The following CUX1 variants were observed in gnomAD, a reference collection of about 807,000 sequenced individuals.
The protein encoded by CUX1 is protein CASP.
In CUX1, 31 loss-of-function variants were observed where a neutral mutation model predicts 158.8. That is an observed-to-expected ratio of 0.20 (90% CI 0.15 to 0.26). The LOEUF (loss-of-function observed/expected upper bound fraction) is 0.26, where lower values mean the gene tolerates loss of function less well. Among genes scored for constraint, CUX1 ranks in the 10% least tolerant of loss-of-function variants. The pLI, the probability that CUX1 is intolerant of heterozygous loss-of-function variation, is 1.00. For missense variants in CUX1, 1,589 were observed against 2,014.6 expected (o/e 0.79, Z 4.04); for synonymous variants, 879 against 862.1 (o/e 1.02, Z -0.34).
intron 4 of CUX1, among the ~76,000 whole-genome samples, chr7:102,083,825 G>A (rs1235573862): frequency 1.4e-5 from 2 of 146,870 alleles, no homozygotes; most frequent in Non-Finnish European, 3.1e-5. Flanking sequence ...TTATTTCTAA[G>A]TTTAAGTCAT....
At chr7:102,067,160 A>G (rs1366646141) in intron 3 of CUX1, among the ~76,000 whole-genome samples, 1 of 140,304 alleles carries the variant, frequency 7.1e-6, no homozygotes, top group Non-Finnish European at 1.5e-5. Flanking sequence ...ACCCACCCCC[A>G]GTCTGAGACC....
intron 1 of CUX1, among the ~76,000 whole-genome samples, chr7:101,849,503 C>G (rs572548517): frequency 1.3e-5 from 2 of 152,252 alleles, no homozygotes; most frequent in South Asian, 4.1e-4. Flanking sequence ...CTGCAAAGGA[C>G]GTGACCTCTT....
chr7:101,829,439 A>T (rs1052608259), intron 1 of CUX1, among the ~76,000 whole-genome samples: 2 of 152,152 alleles, frequency 1.3e-5, no homozygotes, highest in Non-Finnish European at 2.9e-5. Flanking sequence ...TGTTACTTGC[A>T]TGACAGCCCT....
intron 10 of CUX1, among the ~76,000 whole-genome samples, chr7:102,174,637 G>A (rs541459554): frequency 6.6e-6 from 1 of 152,284 alleles, no homozygotes; most frequent in South Asian, 2.1e-4. Flanking sequence ...GATGGAGTGA[G>A]CCACAGTTTC....
At chr7:102,060,876 C>CACT (rs1279554455) in intron 3 of CUX1, among the ~76,000 whole-genome samples, 4 of 148,102 alleles carry the variant, frequency 2.7e-5, no homozygotes, top group Non-Finnish European at 4.4e-5. Flanking sequence ...CCTCCAAAAG[C>CACT]ACTGCGATTA....
chr7:102,112,790 G>T (rs1321334735), intron 7 of CUX1, among the ~76,000 whole-genome samples: 1 of 152,068 alleles, frequency 6.6e-6, no homozygotes, highest in Non-Finnish European at 1.5e-5. Flanking sequence ...AGTCCGGTCT[G>T]TATCTCCTGA....
chr7:102,029,384 G>T (rs1820441490), intron 3 of CUX1, among the ~76,000 whole-genome samples: 1 of 152,080 alleles, frequency 6.6e-6, no homozygotes, highest in African/African-American at 2.4e-5. Context: ...GAGAGATATG[G>T]CCGTGAGATA....
At chr7:102,133,024 T>G (rs189229751) in intron 8 of CUX1, among the ~76,000 whole-genome samples, 11 of 152,286 alleles carry the variant, frequency 7.2e-5, no homozygotes, top group Non-Finnish European at 8.8e-5. Flanking sequence ...AACTTGACCC[T>G]CTGCCACCAG....
chr7:101,981,233 G>C (rs1813400385), intron 2 of CUX1, among the ~76,000 whole-genome samples: 1 of 151,702 alleles, frequency 6.6e-6, no homozygotes, highest in South Asian at 2.1e-4. Flanking sequence ...ACTTTCCCTT[G>C]CAGGACGTTT....
chr7:101,961,961 A>G (rs35293683), intron 2 of CUX1: 2 of 152,078 alleles, frequency 1.3e-5, no homozygotes, highest in Non-Finnish European at 2.9e-5. Flanking sequence ...AAGTATATAT[A>G]CAGTATTATT....
At chr7:102,084,060 A>G (rs151230207) in intron 4 of CUX1, among the ~76,000 whole-genome samples, 2,212 of 144,874 alleles carry the variant, frequency 0.015, 262 homozygotes, top group Non-Finnish European at 0.023. Flanking sequence ...TAATTTTTGT[A>G]TTTTTAGTAG....
At chr7:102,129,434 A>G (rs1832984474) in intron 8 of CUX1, among the ~76,000 whole-genome samples, 1 of 152,200 alleles carries the variant, frequency 6.6e-6, no homozygotes, top group Non-Finnish European at 1.5e-5. Flanking sequence ...CTGTAATCCC[A>G]GCACTTTGGG....
At chr7:102,066,080 C>T (rs960377414) in intron 3 of CUX1, among the ~76,000 whole-genome samples, 22 of 152,184 alleles carry the variant, frequency 1.4e-4, no homozygotes, top group African/African-American at 3.6e-4. Flanking sequence ...TCAGCCACCA[C>T]GCCCGGCTCA....
At chr7:102,005,213 A>G (rs566070326) in intron 2 of CUX1, among the ~76,000 whole-genome samples, 1 of 152,282 alleles carries the variant, frequency 6.6e-6, no homozygotes, top group South Asian at 2.1e-4. Flanking sequence ...ATTCTGGGAA[A>G]ACTCTAGAGA....
intron 1 of CUX1, among the ~76,000 whole-genome samples, chr7:101,899,146 T>A (rs548280558): frequency 1.3e-5 from 2 of 152,288 alleles, no homozygotes; most frequent in South Asian, 4.1e-4. Context: ...TGGGTGGTAG[T>A]GATAAGATGG....
intron 1 of CUX1, among the ~76,000 whole-genome samples, chr7:101,821,581 G>A (rs574994368): frequency 1.0e-4 from 15 of 150,004 alleles, no homozygotes; most frequent in Admixed American, 3.3e-4. Flanking sequence ...TTAGTGATCC[G>A]CCCGCCTTGG....
intron 2 of CUX1, chr7:101,960,779 A>G (rs1454859679): frequency 6.6e-6 from 1 of 152,258 alleles, no homozygotes; most frequent in Non-Finnish European, 1.5e-5. Flanking sequence ...TTGATTCCAC[A>G]GAAGGGCAGT....
intron 8 of CUX1, among the ~76,000 whole-genome samples, chr7:102,144,344 G>T (rs382934): frequency 6.6e-6 from 1 of 151,600 alleles, no homozygotes; most frequent in African/African-American, 2.4e-5. Context: ...TTAAATTTCC[G>T]ACGTACGCGT....
chr7:102,218,989 G>A (rs1554525847), intron 20 of CUX1, among the ~76,000 whole-genome samples: 1 of 150,018 alleles, frequency 6.7e-6, no homozygotes, highest in Non-Finnish European at 1.5e-5. Flanking sequence ...GGAGGCAGAG[G>A]CTGCAGTGAG....
Sources: gnomAD v4.1 joint callset for allele counts (sites outside exome capture counted in the v4.1 genomes callset) on GRCh38, gnomAD v4.1.1 for gene constraint, MANE v1.5 for transcripts, NCBI Gene and HGNC (gene_info 2026-07-23, HGNC 2026-07-21) for gene names.